The following AFF3 variants were observed in gnomAD, a reference collection of about 807,000 sequenced individuals.
AFF3 encodes AF4/FMR2 family member 3.
In AFF3, 32 loss-of-function variants were observed where a neutral mutation model predicts 129.7. The ratio of observed to expected loss-of-function variants is 0.25; its 90% CI spans 0.19 to 0.33. The LOEUF is 0.33. AFF3 is among the 10% of genes least tolerant of loss of function. AFF3 has a pLI of 1.00. For synonymous variants in AFF3, 644 were observed against 635.4 expected (o/e 1.01, Z -0.20); for missense variants, 1,373 against 1,592.0 (o/e 0.86, Z 2.34).
intron 7 of AFF3, among the ~76,000 whole-genome samples, chr2:99,846,031 A>G (rs963693062): frequency 6.6e-6 from 1 of 151,650 alleles, no homozygotes; most frequent in African/African-American, 2.4e-5. Flanking sequence ...ACGGGGTTTC[A>G]CCACGTTAGC....
rs549908182 is a variant in AFF3 at position 99,824,764 on chromosome 2, C to T, written c.921+12713G>A. ...ATCAGAAACTGAAGCTGCTTAGGAACGTAGTGCTGGCAGAGGGAGGGTCTC... is the reference window on the plus strand; with the variant it reads ...ATCAGAAACTGAAGCTGCTTAGGAATGTAGTGCTGGCAGAGGGAGGGTCTC... On this transcript the variant is annotated intron_variant, in intron 8 of 24. Coordinates refer to ENST00000672756, the MANE Select transcript of AFF3 (RefSeq NM_001386135.1). Among the ~76,000 whole-genome samples, 5 of 152,298 alleles carry T rather than the reference C, an allele frequency of 3.3e-5. No individual in the cohort carries two copies. In the South Asian group the frequency reaches 8.3e-4, roughly 25 times the overall value.
intron 8 of AFF3, among the ~76,000 whole-genome samples, chr2:99,780,015 C>T (rs1684263291): frequency 6.6e-6 from 1 of 152,178 alleles, no homozygotes; most frequent in Admixed American, 6.5e-5. Context: ...ACTAGAATCC[C>T]AGCATCTGAA....
intron 9 of AFF3, among the ~76,000 whole-genome samples, chr2:99,745,922 G>A (rs1239557290): frequency 6.6e-6 from 1 of 152,016 alleles, no homozygotes; most frequent in Non-Finnish European, 1.5e-5. Context: ...TTAAGCTATG[G>A]GTATGCAAAG....
intron 7 of AFF3, among the ~76,000 whole-genome samples, chr2:99,883,125 GA>G (rs1369876066): frequency 6.6e-6 from 1 of 152,116 alleles, no homozygotes; most frequent in African/African-American, 2.4e-5. Context: ...CCCCAGGCAG[GA>G]AAAACAACAT....
At chr2:99,724,260 G>T (rs540683164) in intron 11 of AFF3, among the ~76,000 whole-genome samples, 1 of 55,684 alleles carries the variant, frequency 1.8e-5, no homozygotes, top group East Asian at 8.2e-4. Flanking sequence ...CACTTCAGTG[G>T]AATGACCTTT....
chr2:99,714,788 T>C (rs1419323344), intron 11 of AFF3, among the ~76,000 whole-genome samples: 2 of 152,362 alleles, frequency 1.3e-5, no homozygotes, highest in East Asian at 1.9e-4. Flanking sequence ...CACACAATTG[T>C]TCCTCTGTAT....
chr2:99,597,602 A>AC (rs767779449), intron 14 of AFF3, among the ~76,000 whole-genome samples: 1 of 152,228 alleles, frequency 6.6e-6, no homozygotes, highest in Non-Finnish European at 1.5e-5. Flanking sequence ...TTTCCCCCCG[A>AC]CAACCTCACA....
chr2:99,997,292 C>T (rs1490073466), intron 7 of AFF3, among the ~76,000 whole-genome samples: 3 of 152,196 alleles, frequency 2.0e-5, no homozygotes, highest in African/African-American at 7.2e-5. Context: ...ACCTGCCTCA[C>T]ACATAGTTTT....
intron 11 of AFF3, among the ~76,000 whole-genome samples, chr2:99,687,723 T>G (rs1232669079): frequency 6.6e-6 from 1 of 152,228 alleles, no homozygotes; most frequent in Admixed American, 6.5e-5. Flanking sequence ...GTTTTAGATT[T>G]ACAGAAAAGT....
chr2:99,567,268 C>A (rs1466222212), intron 19 of AFF3, among the ~76,000 whole-genome samples: 3 of 151,952 alleles, frequency 2.0e-5, no homozygotes, highest in Non-Finnish European at 4.4e-5. Context: ...GTGTGAGCCA[C>A]CGTGCCTGGC....
chr2:99,573,121 T>G (rs989186331), intron 18 of AFF3, among the ~76,000 whole-genome samples: 6 of 152,216 alleles, frequency 3.9e-5, no homozygotes, highest in Admixed American at 3.3e-4. Context: ...GATGGTTGTT[T>G]TTCTCTGAGT....
chr2:99,779,125 A>T (rs1477928007), intron 8 of AFF3, among the ~76,000 whole-genome samples: 1 of 152,156 alleles, frequency 6.6e-6, no homozygotes, highest in Admixed American at 6.6e-5. Context: ...GGGGGAAAGC[A>T]TCTGCTCTTT....
rs1157805932 is a variant in AFF3, at chr2:99,558,971, G to A, written c.3192-3C>T. On this transcript the variant is annotated splice_region_variant and splice_polypyrimidine_tract_variant and intron_variant, in intron 21 of 24. Transcript: ENST00000672756. ...ACAGGAGGGCCAGGCATCGGTAACT[G>A]CAGGCGAAAAGAGAAACAGGCCCAG... The A allele has an allele frequency of 6.2e-7, 1 of 1,613,986 alleles. No individual in the cohort carries two copies. The highest frequency in any genetic ancestry group is 8.5e-7 in the Non-Finnish European group (1 of 1,179,956).
chr2:100,004,608 A>G (rs1681779243), intron 7 of AFF3, among the ~76,000 whole-genome samples: 1 of 152,110 alleles, frequency 6.6e-6, no homozygotes, highest in Non-Finnish European at 1.5e-5. Context: ...TTATTGGAAT[A>G]GCCTATAAAT....
chr2:100,034,537 T>C (rs1009093817), intron 4 of AFF3, among the ~76,000 whole-genome samples: 3 of 152,156 alleles, frequency 2.0e-5, no homozygotes, highest in African/African-American at 7.2e-5. Flanking sequence ...TTTTCCCTTT[T>C]TTTTTTTAAT....
rs537029840 is a variant in AFF3 at position 99,658,059 on chromosome 2, C to T, written c.1144-8393G>A. On this transcript the variant is annotated intron_variant, in intron 12 of 24. Coordinates refer to ENST00000672756, the MANE Select transcript of AFF3 (RefSeq NM_001386135.1). ...TCTCCTTGCTCCAAAGCACGTGGCT[C>T]TTCTAGACTCTGGAGGCTTTTGCCA... Among the ~76,000 whole-genome samples the T allele has an allele frequency of 2.0e-5, 3 of 152,310 alleles. No homozygotes were observed. The South Asian group carries it at 6.2e-4, about 32-fold the overall frequency.
intron 7 of AFF3, among the ~76,000 whole-genome samples, chr2:99,856,242 T>C (rs1690515372): frequency 6.7e-6 from 1 of 148,562 alleles, no homozygotes. Flanking sequence ...TTGTAATAAA[T>C]ATACAATACT....
In AFF3 at chr2:100,110,641, A is replaced by C. The variant is rs574763171; in HGVS notation, c.-144-5058T>G. On this transcript the variant is annotated intron_variant, in intron 2 of 24. Coordinates refer to ENST00000672756, the MANE Select transcript of AFF3 (RefSeq NM_001386135.1). Reference sequence around the variant, plus strand: ...GATCCCCACAAGGTCCTTCAGGTACAGGCATCTCCCACTGCTCAGAGTCCT... The same window carrying C: ...GATCCCCACAAGGTCCTTCAGGTACCGGCATCTCCCACTGCTCAGAGTCCT... 5.3e-5 allele frequency among the ~76,000 whole-genome samples: 8 copies of C among 152,366 alleles called. No individual in the cohort carries two copies. The East Asian group carries it at 1.4e-3, about 26-fold the overall frequency.
At position 99,752,755 on chromosome 2, in the gene AFF3, T is replaced by C. The variant is rs1474729984; in HGVS notation, c.922-454A>G. Reference sequence around the variant, plus strand: ...TTAGAAATAAAGTATCAGTTCTCAATAAGGCCCACACATCACTTTGGTCTT... The same window carrying C: ...TTAGAAATAAAGTATCAGTTCTCAACAAGGCCCACACATCACTTTGGTCTT... On this transcript the variant is annotated intron_variant, in intron 8 of 24. Coordinates refer to ENST00000672756, the MANE Select transcript of AFF3 (RefSeq NM_001386135.1). Among the ~76,000 whole-genome samples, 3 of 152,178 alleles carry C rather than the reference T, an allele frequency of 2.0e-5. No homozygotes were observed. In the East Asian group the frequency reaches 5.8e-4, roughly 29 times the overall value.
Sources: gnomAD v4.1 joint callset for allele counts (sites outside exome capture counted in the v4.1 genomes callset) on GRCh38, gnomAD v4.1.1 for gene constraint, MANE v1.5 for transcripts, NCBI Gene and HGNC (gene_info 2026-07-23, HGNC 2026-07-21) for gene names.